MARCHF3: variants seen among roughly 807,000 people sequenced by gnomAD.
MARCHF3 encodes the protein E3 ubiquitin-protein ligase MARCHF3.
Under a neutral mutation model 24.2 loss-of-function variants are expected in MARCHF3, and 13 were observed. That is an observed-to-expected ratio of 0.54 (90% CI 0.35 to 0.85). The LOEUF (loss-of-function observed/expected upper bound fraction) is 0.85. Among genes scored for constraint, MARCHF3 ranks in the 40% least tolerant of loss-of-function variants. MARCHF3 has a pLI of 0.01. For synonymous variants in MARCHF3, 144 were observed against 137.3 expected, an observed-to-expected ratio of 1.05 and a Z score of -0.34; for missense variants, 276 against 325.0, an observed-to-expected ratio of 0.85 and a Z score of 1.16.
intron 3 of MARCHF3, among the ~76,000 whole-genome samples, chr5:126,895,044 C>T (rs2126778561): frequency 6.6e-6 from 1 of 152,124 alleles, no homozygotes; most frequent in South Asian, 2.1e-4. Flanking sequence ...TCCCTTCTCG[C>T]TTCATTTCAT....
At chr5:126,926,303 C>T (rs1225490068) in intron 1 of MARCHF3, among the ~76,000 whole-genome samples, 1 of 152,178 alleles carries the variant, frequency 6.6e-6, no homozygotes, top group Admixed American at 6.5e-5. Context: ...GCAGGGCAGT[C>T]TAAACTCTGC....
chr5:126,896,655 C>T (rs759129735), intron 3 of MARCHF3, among the ~76,000 whole-genome samples: 20 of 152,026 alleles, frequency 1.3e-4, no homozygotes, highest in Non-Finnish European at 1.9e-4. Context: ...TATCTACTGT[C>T]GTGGAACCCA....
chr5:127,011,436 A>T (rs919503899), intron 1 of MARCHF3, among the ~76,000 whole-genome samples: 3 of 152,214 alleles, frequency 2.0e-5, no homozygotes, highest in Non-Finnish European at 4.4e-5. Flanking sequence ...CCAAGGCTCT[A>T]TCTTGGTCTG....
At chr5:126,967,514 G>A (rs1052537738) in intron 1 of MARCHF3, among the ~76,000 whole-genome samples, 2 of 152,096 alleles carry the variant, frequency 1.3e-5, no homozygotes, top group Non-Finnish European at 2.9e-5. Flanking sequence ...CCAACATGGT[G>A]AAACCCCATC....
chr5:126,908,872 G>A (rs976679619), intron 3 of MARCHF3, among the ~76,000 whole-genome samples: 21 of 152,278 alleles, frequency 1.4e-4, no homozygotes, highest in Middle Eastern at 3.4e-3. Flanking sequence ...GAGGACCTGC[G>A]TTCCTTTGGA....
chr5:126,918,822 T>C (rs1580642438), intron 1 of MARCHF3, among the ~76,000 whole-genome samples: 2 of 152,244 alleles, frequency 1.3e-5, no homozygotes, highest in Admixed American at 6.5e-5. Flanking sequence ...TGTTGCATAA[T>C]AAAATTTTCT....
intron 1 of MARCHF3, among the ~76,000 whole-genome samples, chr5:126,919,813 C>T (rs1389184462): frequency 6.6e-6 from 1 of 152,174 alleles, no homozygotes; most frequent in Non-Finnish European, 1.5e-5. Context: ...CATTGGCTGC[C>T]TGGCGTCCTC....
intron 4 of MARCHF3, among the ~76,000 whole-genome samples, chr5:126,872,074 C>CTTTTTT (rs70997318): frequency 9.5e-4 from 90 of 94,434 alleles, no homozygotes; most frequent in East Asian, 3.9e-3. Context: ...AGATCCTTGT[C>CTTTTTT]TTTTTTTTTT....
At chr5:126,923,703 C>T (rs981742546) in intron 1 of MARCHF3, among the ~76,000 whole-genome samples, 3 of 152,196 alleles carry the variant, frequency 2.0e-5, no homozygotes, top group African/African-American at 7.2e-5. Context: ...CTCTAGAGAT[C>T]TGCTATACCT....
At chr5:126,908,490 T>C (rs1754385029) in intron 3 of MARCHF3, among the ~76,000 whole-genome samples, 1 of 152,216 alleles carries the variant, frequency 6.6e-6, no homozygotes, top group Non-Finnish European at 1.5e-5. Flanking sequence ...TTTCACATAG[T>C]CCCATATTTC....
chr5:126,966,907 T>C (rs1267517205), intron 1 of MARCHF3, among the ~76,000 whole-genome samples: 1 of 58,754 alleles, frequency 1.7e-5, no homozygotes, highest in African/African-American at 7.5e-5. Flanking sequence ...GTGAGAGCCT[T>C]TTTTTTTTTT....
intron 1 of MARCHF3, among the ~76,000 whole-genome samples, chr5:126,938,438 G>T (rs1749719207): frequency 6.6e-6 from 1 of 151,724 alleles, no homozygotes; most frequent in South Asian, 2.1e-4. Context: ...AGAGTGCTGG[G>T]ATTACAAGTG....
At chr5:126,993,691 A>C (rs921266408) in intron 1 of MARCHF3, among the ~76,000 whole-genome samples, 12 of 152,152 alleles carry the variant, frequency 7.9e-5, no homozygotes, top group African/African-American at 2.9e-4. Context: ...GGGAAAAAAA[A>C]GTGTTCTGTA....
At chr5:126,972,287 C>T (rs985054379) in intron 1 of MARCHF3, among the ~76,000 whole-genome samples, 3 of 151,590 alleles carry the variant, frequency 2.0e-5, no homozygotes, top group Non-Finnish European at 4.4e-5. Context: ...CTCAAATCAC[C>T]CCCTAAAAAC....
At chr5:126,997,429 C>T (rs904783041) in intron 1 of MARCHF3, among the ~76,000 whole-genome samples, 2 of 152,114 alleles carry the variant, frequency 1.3e-5, no homozygotes, top group African/African-American at 2.4e-5. Context: ...GGCTTTTCAA[C>T]GGACATGGAA....
intron 4 of MARCHF3, among the ~76,000 whole-genome samples, chr5:126,874,264 A>G (rs1339570892): frequency 1.3e-5 from 2 of 152,190 alleles, no homozygotes; most frequent in East Asian, 1.9e-4. Flanking sequence ...TAGGGAGGTG[A>G]CTGCGGCTGG....
intron 1 of MARCHF3, among the ~76,000 whole-genome samples, chr5:126,984,111 C>T (rs1751483180): frequency 6.6e-6 from 1 of 152,032 alleles, no homozygotes. Context: ...AAGACAATGC[C>T]TGGATTTCCA....
chr5:126,968,546 C>G (rs929251859), intron 1 of MARCHF3, among the ~76,000 whole-genome samples: 1 of 152,034 alleles, frequency 6.6e-6, no homozygotes, highest in African/African-American at 2.4e-5. Flanking sequence ...TGGAGAAATG[C>G]CTATTCAAAT....
chr5:126,994,561 T>A (rs1751884298), intron 1 of MARCHF3, among the ~76,000 whole-genome samples: 1 of 152,246 alleles, frequency 6.6e-6, no homozygotes, highest in Non-Finnish European at 1.5e-5. Flanking sequence ...TGTAAAATGT[T>A]CAATGTAAGA....
Sources: allele counts gnomAD v4.1 joint callset (sites outside exome capture counted in the v4.1 genomes callset), GRCh38; gene constraint gnomAD v4.1.1; transcripts MANE v1.5; gene names NCBI Gene and HGNC (gene_info 2026-07-23, HGNC 2026-07-21).